The following TNKS variants were observed in gnomAD, a reference collection of about 807,000 sequenced individuals.
TNKS encodes the protein poly [ADP-ribose] polymerase tankyrase-1.
TNKS carries 72 observed loss-of-function variants against 135.8 expected under a neutral mutation model. The observed-to-expected ratio is 0.53, with a 90% CI of 0.44 to 0.64. TNKS has a LOEUF of 0.64. TNKS is among the 30% of genes least tolerant of loss of function. TNKS has a pLI of 0.00. For missense variants in TNKS, 1,769 were observed against 1,674.0 expected, an observed-to-expected ratio of 1.06 and a Z score of -0.99; for synonymous variants, 849 against 649.3, an observed-to-expected ratio of 1.31 and a Z score of -4.68.
intron 3 of TNKS, among the ~76,000 whole-genome samples, chr8:9,671,634 G>C (rs778850247): frequency 7.2e-5 from 11 of 152,198 alleles, no homozygotes; most frequent in Non-Finnish European, 4.4e-5. Flanking sequence ...AGAGGGGCCT[G>C]ACTTTTTGGT....
intron 20 of TNKS, among the ~76,000 whole-genome samples, chr8:9,755,294 G>C (rs146568041): frequency 6.6e-6 from 1 of 152,218 alleles, no homozygotes; most frequent in East Asian, 1.9e-4. Context: ...GGTTTCATCA[G>C]TTTCATTGTT....
intron 2 of TNKS, among the ~76,000 whole-genome samples, chr8:9,580,702 C>T (rs1798132318): frequency 2.0e-5 from 3 of 151,912 alleles, no homozygotes; most frequent in African/African-American, 2.4e-5. Context: ...CAATGAGAGC[C>T]ATTATAAAGT....
At chr8:9,629,993 C>G (rs1006157709) in intron 3 of TNKS, among the ~76,000 whole-genome samples, 2 of 152,152 alleles carry the variant, frequency 1.3e-5, no homozygotes, top group African/African-American at 4.8e-5. Context: ...ACTACTTTCT[C>G]TTAATATTTA....
chr8:9,703,209 G>A (rs1803897533), intron 5 of TNKS, among the ~76,000 whole-genome samples: 3 of 152,246 alleles, frequency 2.0e-5, no homozygotes, highest in Admixed American at 2.0e-4. Context: ...AGCATCTTCA[G>A]TGTGGATATG....
chr8:9,725,146 C>G (rs1321489836), intron 12 of TNKS, among the ~76,000 whole-genome samples: 1 of 151,958 alleles, frequency 6.6e-6, no homozygotes, highest in Admixed American at 6.6e-5. Context: ...ATAATGGAGA[C>G]TAATGAGACA....
chr8:9,713,305 T>G (rs1321071018), intron 11 of TNKS, among the ~76,000 whole-genome samples: 1 of 152,220 alleles, frequency 6.6e-6, no homozygotes, highest in Admixed American at 6.5e-5. Flanking sequence ...TTGACCCGTT[T>G]TTGCAAATAT....
chr8:9,706,215 T>A lies in TNKS; in HGVS notation c.1231T>A (p.Ser411Thr). 6.3e-7 allele frequency: 1 copy of A among 1,578,766 alleles called. No homozygotes were observed. The highest frequency in any genetic ancestry group is 8.6e-7 in the Non-Finnish European group (1 of 1,166,390). The change falls in exon 7 of 27, where the codon TCA becomes ACA. Residue 411 changes from serine (S) to threonine (T), a missense_variant. Coordinates refer to ENST00000310430, the MANE Select transcript of TNKS (RefSeq NM_003747.3). The part of the protein sequence containing the change: ...GGLVPLHNAC[S>T]YGHYEVTELL... ...ACTTGTGCCTCTTCATAATGCATGTTCATATGGACATTATGAAGTCACAGA... is the reference window on the plus strand; with the variant it reads ...ACTTGTGCCTCTTCATAATGCATGTACATATGGACATTATGAAGTCACAGA...
intron 1 of TNKS, chr8:9,558,905 T>C (rs537034541): frequency 1.3e-4 from 20 of 152,216 alleles, no homozygotes; most frequent in Non-Finnish European, 2.6e-4. Context: ...TTTAGTCTTC[T>C]TTATCATGTA....
intron 5 of TNKS, among the ~76,000 whole-genome samples, chr8:9,689,801 C>G (rs1461343247): frequency 6.6e-6 from 1 of 152,132 alleles, no homozygotes; most frequent in African/African-American, 2.4e-5. Context: ...TGTCACTTTC[C>G]CAGTTTGCAG....
chr8:9,702,413 C>T (rs771686575), intron 5 of TNKS, among the ~76,000 whole-genome samples: 13 of 151,910 alleles, frequency 8.6e-5, no homozygotes, highest in Admixed American at 5.2e-4. Flanking sequence ...GAAATATTAG[C>T]GTATCCACAG....
chr8:9,628,594 A>G (rs919352187), intron 3 of TNKS, among the ~76,000 whole-genome samples: 3 of 152,018 alleles, frequency 2.0e-5, no homozygotes, highest in Non-Finnish European at 2.9e-5. Flanking sequence ...CAGCTATGAG[A>G]AAGGCCCAGG....
chr8:9,771,183 GAGGA>G (rs756388062), intron 26 of TNKS, among the ~76,000 whole-genome samples: 88 of 147,736 alleles, frequency 6.0e-4, no homozygotes, highest in Non-Finnish European at 1.1e-3. Flanking sequence ...GGAGAGAAGA[GAGGA>G]AGGAAGGAAG....
chr8:9,561,122 A>G (rs1013784138), intron 1 of TNKS, among the ~76,000 whole-genome samples: 12 of 152,218 alleles, frequency 7.9e-5, no homozygotes, highest in African/African-American at 2.2e-4. Context: ...TTATCCGTCA[A>G]TCATCTTTTT....
intron 3 of TNKS, among the ~76,000 whole-genome samples, chr8:9,666,029 TCC>T (rs1341027542): frequency 6.6e-6 from 1 of 152,160 alleles, no homozygotes; most frequent in African/African-American, 2.4e-5. Flanking sequence ...AAACTGAAGT[TCC>T]TTGTACCTAG....
intron 11 of TNKS, among the ~76,000 whole-genome samples, chr8:9,712,050 A>G (rs189295912): frequency 6.6e-6 from 1 of 152,366 alleles, no homozygotes; most frequent in East Asian, 1.9e-4. Context: ...GCCTTAGCAT[A>G]ATTAGTAAAT....
At position 9,770,190 on chromosome 8, in the gene TNKS, C is replaced by G; in HGVS notation, c.3825C>G (p.His1275Gln). ...AAATGGCCCACGCGCCTCCAGGGCA[C>G]CACTCAGTCATTGGTAGACCGAGCG... is the stretch of plus-strand genomic sequence containing the variant. ...TMKMAHAPPG[H>Q]HSVIGRPSVN... The change falls in exon 26 of 27, where the codon CAC becomes CAG. Residue 1275 changes from histidine to glutamine, a missense_variant. By Grantham distance (24) the His-to-Gln change is conservative. This residue lies in a region of TNKS where 722 missense variants were observed against 688.9 expected (regional missense o/e 1.05). Transcript: ENST00000310430. The G allele has an allele frequency of 2.5e-6, 4 of 1,613,442 alleles. No homozygotes were observed. The highest frequency in any genetic ancestry group is 3.4e-6 in the Non-Finnish European group (4 of 1,179,958).
chr8:9,655,297 G>A (rs1801311810), intron 3 of TNKS, among the ~76,000 whole-genome samples: 1 of 152,220 alleles, frequency 6.6e-6, no homozygotes, highest in Non-Finnish European at 1.5e-5. Context: ...GCCTGCCTCT[G>A]TAGGCTCCAC....
intron 11 of TNKS, among the ~76,000 whole-genome samples, chr8:9,713,207 T>C (rs916399354): frequency 2.0e-5 from 3 of 152,194 alleles, no homozygotes; most frequent in African/African-American, 7.2e-5. Flanking sequence ...TGCATTATTA[T>C]ATAAGTAGCA....
At chr8:9,650,229 G>C (rs1322254120) in intron 3 of TNKS, among the ~76,000 whole-genome samples, 1 of 152,030 alleles carries the variant, frequency 6.6e-6, no homozygotes, top group Non-Finnish European at 1.5e-5. Flanking sequence ...CGATTGATGG[G>C]CATTTGGGCT....
Sources: gnomAD v4.1 joint callset for allele counts (sites outside exome capture counted in the v4.1 genomes callset) on GRCh38, gnomAD v4.1.1 for gene constraint, gnomAD v4.1.1 regional missense constraint, MANE v1.5 for transcripts, NCBI Gene and HGNC (gene_info 2026-07-23, HGNC 2026-07-21) for gene names.